The following PBX4 variants were observed in gnomAD, a reference collection of about 807,000 sequenced individuals.
PBX4 encodes the protein PBX homeobox 4, also known as pre-B-cell leukemia transcription factor 4.
PBX4 carries 26 observed loss-of-function variants against 35.1 expected under a neutral mutation model. That is an observed-to-expected ratio of 0.74 (90% CI 0.54 to 1.03). The LOEUF (loss-of-function observed/expected upper bound fraction) is 1.03, where lower values mean the gene tolerates loss of function less well. PBX4 is among the 50% of genes least tolerant of loss of function. PBX4 has a pLI of 0.00. For missense variants in PBX4, 448 were observed against 504.3 expected, an observed-to-expected ratio of 0.89 and a Z score of 1.07; for synonymous variants, 199 against 204.2, an observed-to-expected ratio of 0.97 and a Z score of 0.22.
intron 2 of PBX4, among the ~76,000 whole-genome samples, chr19:19,598,979 G>A (rs932309988): frequency 2.0e-5 from 3 of 146,440 alleles, no homozygotes; most frequent in East Asian, 4.0e-4. Context: ...GTGCAATGGC[G>A]TGATCTTGGC....
intron 1 of PBX4, among the ~76,000 whole-genome samples, chr19:19,613,712 C>T (rs1278613146): frequency 6.6e-6 from 1 of 152,128 alleles, no homozygotes; most frequent in Non-Finnish European, 1.5e-5. Flanking sequence ...TCAAAACCAT[C>T]TTCCCCCTTT....
rs537816731 is a variant in PBX4 at position 19,569,583 on chromosome 19, G to A, written c.634C>T (p.Arg212Cys). The A allele has an allele frequency of 1.7e-5, 27 of 1,612,964 alleles. No individual in the cohort carries two copies. The African/African-American group carries it at 1.7e-4, about 10-fold the overall frequency. The change falls in exon 5 of 8, where the codon CGC becomes TGC. Residue 212 changes from arginine (R) to cysteine (C), a missense_variant and splice_region_variant. Arg to Cys is a radical substitution (Grantham distance 180). Transcript: ENST00000251203. The stretch of plus-strand genomic sequence containing the variant: ...TGCTTGCTGAAATTCCGCCGCTTGC[G>A]CCTGCAAAAACAGCCGCCTTCGTAG... ...TLRSRLLDARRKRRNFSKQAT... is the reference protein window; with the variant it reads ...TLRSRLLDARCKRRNFSKQAT...
rs548825316 is a variant in PBX4, at chr19:19,599,473, C to T, written c.120-108G>A. On this transcript the variant is annotated intron_variant, in intron 1 of 7. Coordinates refer to ENST00000251203, the MANE Select transcript of PBX4 (RefSeq NM_025245.3). The stretch of plus-strand genomic sequence containing the variant: ...AAATCAAACCAAACGAGATCTGCCA[C>T]TCTGACTGTAGATAAGTCGCCTTAT... The T allele has an allele frequency of 2.1e-4, 185 of 885,808 alleles. No homozygotes were observed. In the South Asian group the frequency reaches 2.5e-3, roughly 12 times the overall value. 54.9% of individuals were successfully genotyped at this position (885,808 alleles called of 1,614,324 possible).
chr19:19,576,873 A>G (rs1313175892), intron 2 of PBX4, among the ~76,000 whole-genome samples: 1 of 151,906 alleles, frequency 6.6e-6, no homozygotes, highest in Non-Finnish European at 1.5e-5. Context: ...TTGGCCTCCC[A>G]AAGTGCTTGG....
At chr19:19,571,491 G>C (rs1443395331) in intron 2 of PBX4, among the ~76,000 whole-genome samples, 3 of 152,202 alleles carry the variant, frequency 2.0e-5, no homozygotes, top group African/African-American at 7.2e-5. Flanking sequence ...GATAGGGGCA[G>C]GGCTGGACTG....
chr19:19,594,232 C>T lies in PBX4; in HGVS notation c.193+5060G>A, dbSNP rs1014043572. Among the ~76,000 whole-genome samples the T allele has an allele frequency of 9.2e-5, 14 of 151,868 alleles. 1 individual carries two copies. The South Asian group carries it at 2.9e-3, about 32-fold the overall frequency. On this transcript the variant is annotated intron_variant, in intron 2 of 7. Coordinates refer to ENST00000251203, the MANE Select transcript of PBX4 (RefSeq NM_025245.3). Reference sequence around the variant, plus strand: ...ACCAGCCTGACCAACAGGGTGAAACCCTGTCTCTACTAAATACAAAAAATT... The same window carrying T: ...ACCAGCCTGACCAACAGGGTGAAACTCTGTCTCTACTAAATACAAAAAATT...
intron 1 of PBX4, among the ~76,000 whole-genome samples, chr19:19,609,577 G>A (rs963978580): frequency 6.8e-5 from 10 of 146,536 alleles, no homozygotes; most frequent in African/African-American, 2.5e-4. Flanking sequence ...AGAGCCAGGC[G>A]CAGTGATTCA....
intron 1 of PBX4, among the ~76,000 whole-genome samples, chr19:19,609,842 C>G (rs964416188): frequency 1.3e-5 from 2 of 151,996 alleles, no homozygotes; most frequent in Non-Finnish European, 2.9e-5. Flanking sequence ...CACAGCGAGA[C>G]TCCGTCTCAA....
At chr19:19,604,567 C>A (rs1160439860) in intron 1 of PBX4, among the ~76,000 whole-genome samples, 2 of 76 alleles carry the variant, frequency 0.026, no homozygotes, top group Admixed American at 0.5. Flanking sequence ...ATATGAACTT[C>A]CCAAAATCTA....
rs565529329 is a variant in PBX4, at chr19:19,583,601, A to AC, written c.194-12769dup. On this transcript the variant is annotated intron_variant, in intron 2 of 7. Transcript: ENST00000251203. ...ACTCCAGCCAGTTCGACAAAGTAAG[A>AC]CCCCCTCTCCCACCAAAAAAAGATA... is the stretch of plus-strand genomic sequence containing the variant. 4.0e-3 allele frequency among the ~76,000 whole-genome samples: 603 copies of AC among 151,832 alleles called. 1 individual carries two copies. The highest frequency in any genetic ancestry group is 6.2e-3 in the Non-Finnish European group (422 of 67,966).
At chr19:19,568,165 C>T (rs1336636189) in intron 5 of PBX4, among the ~76,000 whole-genome samples, 2 of 146,826 alleles carry the variant, frequency 1.4e-5, no homozygotes, top group Admixed American at 6.7e-5. Flanking sequence ...AGGGAGCTCA[C>T]ACTCCATCTG....
chr19:19,591,489 C>A (rs549752428), intron 2 of PBX4, among the ~76,000 whole-genome samples: 4 of 152,366 alleles, frequency 2.6e-5, no homozygotes, highest in South Asian at 2.1e-4. Flanking sequence ...GGGCTCTGTG[C>A]GTTCCTACAG....
intron 1 of PBX4, among the ~76,000 whole-genome samples, chr19:19,615,771 T>A (rs1280290759): frequency 2.0e-5 from 3 of 152,066 alleles, no homozygotes; most frequent in Non-Finnish European, 2.9e-5. Context: ...ATGCCTGTAG[T>A]CCCGGCTACT....
At position 19,614,657 on chromosome 19, in the gene PBX4, G is replaced by A. The variant is rs543166939; in HGVS notation, c.119+3854C>T. 2.0e-4 allele frequency among the ~76,000 whole-genome samples: 31 copies of A among 151,926 alleles called. No homozygotes were observed. The East Asian group carries it at 2.9e-3, about 14-fold the overall frequency. The stretch of plus-strand genomic sequence containing the variant: ...CCTGGACAACAGAGTATGAGACTCC[G>A]TCTCAAAAAAACCCAAACCAAACCA... On this transcript the variant is annotated intron_variant, in intron 1 of 7. Coordinates refer to ENST00000251203, the MANE Select transcript of PBX4 (RefSeq NM_025245.3).
intron 2 of PBX4, among the ~76,000 whole-genome samples, chr19:19,595,672 G>C (rs1406613742): frequency 1.3e-5 from 2 of 151,784 alleles, no homozygotes; most frequent in East Asian, 3.9e-4. Context: ...CCCGTCGGGA[G>C]GATGACCTGG....
intron 2 of PBX4, among the ~76,000 whole-genome samples, chr19:19,598,847 T>C (rs778239186): frequency 1.3e-5 from 2 of 151,022 alleles, no homozygotes; most frequent in Non-Finnish European, 2.9e-5. Flanking sequence ...CGGCCCACCA[T>C]GCACATAAGG....
chr19:19,570,623 C>T lies in PBX4; in HGVS notation c.404G>A (p.Arg135Gln), dbSNP rs759064250. The change falls in exon 3 of 8, where the codon CGA becomes CAA. Residue 135 changes from arginine (R) to glutamine (Q), a missense_variant. By Grantham distance (43) the Arg-to-Gln change is conservative. Coordinates refer to ENST00000251203, the MANE Select transcript of PBX4 (RefSeq NM_025245.3). The stretch of plus-strand genomic sequence containing the variant: ...CTCTAGCTCAGAGTGGTAAATCTGT[C>T]GGATCTGGGACAGCTTGGCCCTGTA... ...SDYRAKLSQI[R>Q]QIYHSELEKY... is the part of the protein sequence containing the mutation. 2.7e-5 allele frequency: 44 copies of T among 1,614,012 alleles called. No individual in the cohort carries two copies. The highest frequency in any genetic ancestry group is 3.1e-5 in the Non-Finnish European group (37 of 1,180,038).
intron 5 of PBX4, 54 bp downstream of exon 5, chr19:19,569,395 C>A: frequency 6.4e-7 from 1 of 1,567,730 alleles, no homozygotes; most frequent in Non-Finnish European, 8.6e-7. Context: ...CCTCATGGGA[C>A]CTAGTCATCC....
chr19:19,600,771 C>G (rs567764327), intron 1 of PBX4, among the ~76,000 whole-genome samples: 54 of 142,072 alleles, frequency 3.8e-4, no homozygotes, highest in African/African-American at 1.3e-3. Context: ...GAGCTGAGAT[C>G]GCACCAGTGA....
Sources: gnomAD v4.1 joint callset for allele counts (sites outside exome capture counted in the v4.1 genomes callset) on GRCh38, gnomAD v4.1.1 for gene constraint, MANE v1.5 for transcripts, NCBI Gene and HGNC (gene_info 2026-07-23, HGNC 2026-07-21) for gene names.